ZNF318: variants seen among roughly 807,000 people sequenced by gnomAD.
The protein encoded by ZNF318 is zinc finger protein 318.
A neutral mutation model predicts 124.2 loss-of-function variants in ZNF318; 51 were observed. That is an observed-to-expected ratio of 0.41 (90% CI 0.33 to 0.52). ZNF318 has a LOEUF of 0.52. Among genes scored for constraint, ZNF318 ranks in the 20% least tolerant of loss-of-function variants. The probability of loss-of-function intolerance (pLI) is 0.23; values close to 1 mark genes in which losing one functional copy is unlikely to be tolerated. For missense variants in ZNF318, 2,815 were observed against 2,811.2 expected (o/e 1.00, Z -0.03); for synonymous variants, 1,090 against 1,040.7 (o/e 1.05, Z -0.91).
intron 2 of ZNF318, chr6:43,364,020 TG>T: frequency 1.3e-6 from 1 of 757,526 alleles, no homozygotes; most frequent in South Asian, 1.4e-5. Context: ...CCAAGGGCAC[TG>T]GCATCGTCTC....
chr6:43,342,046 G>C, intron 8 of ZNF318, 66 bp downstream of exon 8: 2 of 1,405,040 alleles, frequency 1.4e-6, no homozygotes, highest in South Asian at 2.3e-5. Context: ...TACAATGTTA[G>C]TTCAGGGACA....
In ZNF318 at chr6:43,365,813, G is replaced by A. The variant is rs987035740; in HGVS notation, c.400-373C>T. ...CAAAAGACAACCCTGCAAAGTTGGGGTTCAACAAGGTGAGAAATGGTTATG... is the reference window on the plus strand; with the variant it reads ...CAAAAGACAACCCTGCAAAGTTGGGATTCAACAAGGTGAGAAATGGTTATG... On this transcript the variant is annotated intron_variant, in intron 1 of 9. Coordinates refer to ENST00000361428, the MANE Select transcript of ZNF318 (RefSeq NM_014345.3). Among the ~76,000 whole-genome samples the A allele has an allele frequency of 3.9e-4, 60 of 152,174 alleles. 1 individual carries two copies. Among genetic ancestry groups the A allele is most frequent in the African/African-American group, 1.4e-3 (57 of 41,430 alleles).
intron 2 of ZNF318, chr6:43,364,080 A>C: frequency 5.3e-6 from 6 of 1,142,404 alleles, no homozygotes; most frequent in Non-Finnish European, 7.8e-6. Context: ...GATGACTGCT[A>C]CACCTCAGCC....
rs1779593631 is a variant in ZNF318, at chr6:43,355,494, G to A, written c.1840C>T (p.Arg614Cys). 4.3e-6 allele frequency: 7 copies of A among 1,614,174 alleles called. No individual in the cohort carries two copies. The highest frequency in any genetic ancestry group is 5.9e-6 in the Non-Finnish European group (7 of 1,180,042). The stretch of plus-strand genomic sequence containing the variant: ...TTGCCATGAAGTCGTTCCTGGGTGC[G>A]TGCAGCCAATTGACTAATCTCTGCT... ...GVAEISQLAA[R>C]TQERLHGKKP... Residue 614 changes from arginine (R) to cysteine (C), a missense_variant, in exon 4 of 10, where the codon CGC (arginine) becomes TGC (cysteine). Physicochemically the swap from Arg to Cys is radical, Grantham distance 180. Transcript: ENST00000361428.
rs1370928477 is a variant in ZNF318 at position 43,337,656 on chromosome 6, G to C, written c.6342C>G (p.Asp2114Glu). The C allele has an allele frequency of 1.9e-6, 3 of 1,613,962 alleles. No homozygotes were observed. In the African/African-American group the frequency reaches 4.0e-5, roughly 22 times the overall value. The stretch of plus-strand genomic sequence containing the variant: ...TTCCCTCTAGGCCCCCCAAGCCACG[G>C]TCAACATTTTCTGTAAGTCCAGTTT... ...ILKTGLTENV[D>E]RGLGGLEGTH... Residue 2114 changes from aspartate (D) to glutamate (E), a missense_variant, in exon 10 of 10, where the codon GAC becomes GAG. Physicochemically the swap from Asp to Glu is conservative, Grantham distance 45 (BLOSUM62 2). This residue lies in a region of ZNF318 where 927 missense variants were observed against 820.6 expected (regional missense o/e 1.13). Coordinates refer to ENST00000361428, the MANE Select transcript of ZNF318 (RefSeq NM_014345.3).
chr6:43,351,911 C>A (rs972613049), intron 5 of ZNF318, among the ~76,000 whole-genome samples: 1 of 152,016 alleles, frequency 6.6e-6, no homozygotes, highest in African/African-American at 2.4e-5. Context: ...GAGGCTAAGG[C>A]GGGTGGATCA....
At chr6:43,352,791 T>C (rs1000731553) in intron 4 of ZNF318, among the ~76,000 whole-genome samples, 1 of 152,240 alleles carries the variant, frequency 6.6e-6, no homozygotes, top group Non-Finnish European at 1.5e-5. Context: ...CCATATGTGT[T>C]ATAGGTAAGG....
At position 43,369,400 on chromosome 6, in the gene ZNF318, AC is replaced by A. The variant is rs1779807531; in HGVS notation, c.-36del. On this transcript the variant is annotated 5_prime_UTR_variant, in exon 1 of 10. Transcript: ENST00000361428. ...AGCGGCGGCCACGGCGACAGCTCTG[AC>A]CCGGGGGCGCCCTAGACGCAGGCTC... 8.4e-7 allele frequency: 1 copy of A among 1,191,066 alleles called. No homozygotes were observed. Among genetic ancestry groups the A allele is most frequent in the Non-Finnish European group, 1.0e-6 (1 of 960,752 alleles). The allele number at this position is 1,191,066 out of a possible 1,614,324, so 73.8% of individuals were successfully genotyped here. A position where few individuals can be genotyped will look rare whatever the true frequency, so the allele number is the denominator to read the frequency against.
At chr6:43,356,844 C>T (rs924481350) in intron 3 of ZNF318, among the ~76,000 whole-genome samples, 1 of 152,124 alleles carries the variant, frequency 6.6e-6, no homozygotes, top group Non-Finnish European at 1.5e-5. Context: ...AACCCATACT[C>T]AAAGATTGCC....
In ZNF318 at chr6:43,357,764, C is replaced by A. The variant is rs761292147; in HGVS notation, c.550G>T (p.Asp184Tyr). ...PVDNLEDMDR[D>Y]DLTDDSVFTR... ...AAGACAGAATCATCAGTCAGGTCAT[C>A]CCTGAGGAAAAAGAGAAGCATCATT... Residue 184 changes from aspartate (D) to tyrosine (Y), a missense_variant and splice_region_variant, in exon 3 of 10, where the codon GAT becomes TAT. This residue lies in a region of ZNF318 where 1,377 missense variants were observed against 1,353.5 expected (regional missense o/e 1.02). Coordinates refer to ENST00000361428, the MANE Select transcript of ZNF318 (RefSeq NM_014345.3). The A allele has an allele frequency of 1.1e-5, 17 of 1,581,378 alleles. No homozygotes were observed. The highest frequency in any genetic ancestry group is 1.8e-5 in the Admixed American group (1 of 54,528).
chr6:43,350,498 C>T (rs1397897608), intron 5 of ZNF318, among the ~76,000 whole-genome samples: 1 of 152,094 alleles, frequency 6.6e-6, no homozygotes, highest in African/African-American at 2.4e-5. Flanking sequence ...GGAAAGCCAA[C>T]TAATAAAGCT....
Position 43,339,109 on chromosome 6 carries a change from T to C in ZNF318, c.4889A>G (p.Asp1630Gly), listed in dbSNP as rs574738384. The C allele has an allele frequency of 1.9e-6, 3 of 1,614,120 alleles. No individual in the cohort carries two copies. Among genetic ancestry groups the C allele is most frequent in the South Asian group, 1.1e-5 (1 of 91,086 alleles). Reference protein sequence around the residue: ...SSASQEELHQDEGLVAAPIVS... With the variant: ...SSASQEELHQGEGLVAAPIVS... ...TATAGGAGCAGCGACCAAACCCTCA[T>C]CTTGATGCAACTCCTCTTGGGATGC... Residue 1630 changes from aspartate to glycine, a missense_variant, in exon 10 of 10, where the codon GAT (aspartate) becomes GGT (glycine). Transcript: ENST00000361428. This position sits in a 1 kb window ranked among gnomAD's most constrained non-coding sequence, Gnocchi z 4.2.
rs374528550 is a variant in ZNF318 at position 43,338,253 on chromosome 6, A to T, written c.5745T>A (p.Val1915=). Residue 1915 remains valine, a synonymous_variant, in exon 10 of 10, where the codon GTT becomes GTA. Coordinates refer to ENST00000361428, the MANE Select transcript of ZNF318 (RefSeq NM_014345.3). Reference sequence around the variant, plus strand: ...AATTCTCTAGCCCCTCCTCACTAACAACTGAAACTCCTTGCTCTTGTGGAC... The same window carrying T: ...AATTCTCTAGCCCCTCCTCACTAACTACTGAAACTCCTTGCTCTTGTGGAC... ...TGSPQEQGVS[V]VSEEGLENSA... 1.9e-6 allele frequency: 3 copies of T among 1,614,010 alleles called. No individual in the cohort carries two copies. Among genetic ancestry groups the T allele is most frequent in the Non-Finnish European group, 1.7e-6 (2 of 1,180,026 alleles).
In ZNF318 at chr6:43,348,445, A is replaced by G; in HGVS notation, c.2951T>C (p.Ile984Thr). 1 of 1,614,116 alleles carries G rather than the reference A, an allele frequency of 6.2e-7. No individual in the cohort carries two copies. Among genetic ancestry groups the G allele is most frequent in the Non-Finnish European group, 8.5e-7 (1 of 1,180,018 alleles). ...TAAAGACTTCTGGGATTTATCGAAG[A>G]TGTTAATTCCCAAGATCTGAGCCAC... ...DKVAQILGIN[I>T]FDKSQKSLSD... The change falls in exon 6 of 10, where the codon ATC (isoleucine) becomes ACC (threonine). Residue 984 changes from isoleucine to threonine, a missense_variant. This residue lies in a region of ZNF318 where 1,377 missense variants were observed against 1,353.5 expected (regional missense o/e 1.02). Coordinates refer to ENST00000361428, the MANE Select transcript of ZNF318 (RefSeq NM_014345.3).
intron 2 of ZNF318, among the ~76,000 whole-genome samples, chr6:43,360,948 T>C (rs1314929014): frequency 3.9e-5 from 6 of 152,250 alleles, no homozygotes; most frequent in Non-Finnish European, 8.8e-5. Context: ...GAGGGAGTAA[T>C]GGCTAAAGGA....
Position 43,337,241 on chromosome 6 carries a change from T to G in ZNF318, c.6757A>C (p.Asn2253His). Residue 2253 changes from asparagine (N) to histidine (H), a missense_variant, in exon 10 of 10, where the codon AAT becomes CAT. Transcript: ENST00000361428. ...SPPREQVIED[N>H]MVPQGMPEQE... ...TCAGGCATTCCCTGAGGGACCATATTGTCTTCAATTACCTGCTCCCTTGGA... is the reference window on the plus strand; with the variant it reads ...TCAGGCATTCCCTGAGGGACCATATGGTCTTCAATTACCTGCTCCCTTGGA... 1.9e-6 allele frequency: 3 copies of G among 1,614,148 alleles called. No individual in the cohort carries two copies. The highest frequency in any genetic ancestry group is 2.5e-6 in the Non-Finnish European group (3 of 1,180,000).
In ZNF318 at chr6:43,337,800, T is replaced by C. The variant is rs902346220; in HGVS notation, c.6198A>G (p.Pro2066=). The change falls in exon 10 of 10, where the codon CCA becomes CCG. Residue 2066 remains proline (P), a synonymous_variant. Transcript: ENST00000361428. ...SSDPADFEPI[P]SFSGFPLDSP... ...AATCTAACGGAAACCCAGAAAAAGA[T>C]GGGATTGGTTCGAAGTCAGCGGGAT... 1 of 1,614,156 alleles carries C rather than the reference T, an allele frequency of 6.2e-7. No homozygotes were observed. Among genetic ancestry groups the C allele is most frequent in the Admixed American group, 1.7e-5 (1 of 60,016 alleles).
chr6:43,338,135 CAT>C lies in ZNF318; in HGVS notation c.5861_5862del (p.Tyr1954Ter). ...RSKDFQVKKI[Y>X]ELAVWDENKK... is the part of the protein sequence containing the mutation. ...TTGTTTTCATCCCAAACAGCCAACT[CAT>C]AGATCTTTTTAACTTGAAAGTCTTT... On this transcript the variant is annotated frameshift_variant, in exon 10 of 10. Coordinates refer to ENST00000361428, the MANE Select transcript of ZNF318 (RefSeq NM_014345.3). LOFTEE classifies it low-confidence loss of function (END_TRUNC). The C allele has an allele frequency of 1.2e-6, 2 of 1,613,848 alleles. No individual in the cohort carries two copies. The highest frequency in any genetic ancestry group is 8.5e-7 in the Non-Finnish European group (1 of 1,179,962).
chr6:43,368,963 T>C lies in ZNF318; in HGVS notation c.399+4A>G, dbSNP rs1478456351. 7.1e-7 allele frequency: 1 copy of C among 1,404,340 alleles called. No homozygotes were observed. 87.0% of individuals were successfully genotyped at this position (1,404,340 alleles called of 1,614,324 possible). ...AGGGAGTCCTGGACGAGGGGTGGGATTACCCGGCTGCCGCTGTCGCCTGGA... is the reference window on the plus strand; with the variant it reads ...AGGGAGTCCTGGACGAGGGGTGGGACTACCCGGCTGCCGCTGTCGCCTGGA... On this transcript the variant is annotated splice_donor_region_variant and intron_variant, in intron 1 of 9. Transcript: ENST00000361428.
Sources: allele counts gnomAD v4.1 joint callset (sites outside exome capture counted in the v4.1 genomes callset), GRCh38; gene constraint gnomAD v4.1.1; regional missense constraint gnomAD v4.1.1; non-coding constraint Gnocchi (gnomAD v3.1); transcripts MANE v1.5; gene names NCBI Gene and HGNC (gene_info 2026-07-23, HGNC 2026-07-21).